Variants in QKI observed in about 807,000 individuals in gnomAD.
QKI encodes KH domain-containing RNA-binding protein QKI.
In QKI, 10 loss-of-function variants were observed where a neutral mutation model predicts 39.0. That is an observed-to-expected ratio of 0.26 (90% CI 0.16 to 0.43). The LOEUF is 0.43. Ranked by LOEUF, QKI falls within the 20% of genes least tolerant of loss-of-function variation. QKI has a pLI of 1.00. For missense variants in QKI, 218 were observed against 428.0 expected (o/e 0.51, Z 4.33); for synonymous variants, 204 against 155.4 (o/e 1.31, Z -2.33).
chr6:163,557,103 A>G (rs1428390140), intron 4 of QKI, among the ~76,000 whole-genome samples: 4 of 152,252 alleles, frequency 2.6e-5, no homozygotes, highest in Admixed American at 6.5e-5. Context: ...TAGCAGAAGA[A>G]TAGATAAATA....
intron 1 of QKI, among the ~76,000 whole-genome samples, chr6:163,444,819 T>C (rs1040542451): frequency 1.3e-5 from 2 of 152,158 alleles, no homozygotes; most frequent in African/African-American, 4.8e-5. Flanking sequence ...TTCTTTATCT[T>C]TTTTCACAGC....
intron 7 of QKI, chr6:163,570,434 T>G: frequency 1.0e-6 from 1 of 974,840 alleles, no homozygotes; most frequent in Non-Finnish European, 1.2e-6. Context: ...CTATTTTTTC[T>G]TGTTAACCAG....
chr6:163,490,421 T>C (rs771067544), intron 3 of QKI, among the ~76,000 whole-genome samples: 2 of 152,318 alleles, frequency 1.3e-5, no homozygotes, highest in South Asian at 4.1e-4. Flanking sequence ...GATATATACA[T>C]TGTGCAGGAA....
At chr6:163,415,478 A>G (rs1420605694) in intron 1 of QKI, 143 bp downstream of exon 1, 7 of 702,332 alleles carry the variant, frequency 1.0e-5, no homozygotes, top group South Asian at 3.7e-5. Flanking sequence ...AGGGCGCACA[A>G]AGGAGGTGCC....
intron 2 of QKI, among the ~76,000 whole-genome samples, chr6:163,466,347 C>T (rs9458831): frequency 0.039 from 5,989 of 152,152 alleles, 127 homozygotes; most frequent in African/African-American, 0.063. Context: ...AGATCCAGTA[C>T]AATTCCTGTC....
intron 3 of QKI, among the ~76,000 whole-genome samples, chr6:163,503,067 T>A: frequency 6.6e-6 from 1 of 152,128 alleles, no homozygotes; most frequent in East Asian, 1.9e-4. Flanking sequence ...GGTATCTAAT[T>A]GTGGTTTTTA....
At chr6:163,519,922 G>T (rs1196178176) in intron 3 of QKI, among the ~76,000 whole-genome samples, 1 of 152,088 alleles carries the variant, frequency 6.6e-6, no homozygotes, top group East Asian at 1.9e-4. Context: ...GGGGAAGTGG[G>T]CCAAAGATAT....
chr6:163,556,245 G>A (rs1782598724), intron 4 of QKI, among the ~76,000 whole-genome samples: 1 of 152,178 alleles, frequency 6.6e-6, no homozygotes, highest in African/African-American at 2.4e-5. Context: ...GGGCACAGTG[G>A]CTCACGCCTG....
chr6:163,419,816 A>G (rs985648567), intron 1 of QKI, among the ~76,000 whole-genome samples: 1 of 152,328 alleles, frequency 6.6e-6, no homozygotes, highest in South Asian at 2.1e-4. Flanking sequence ...TGCTAGTCAC[A>G]TTTACGAGTG....
At chr6:163,528,736 C>T (rs950165585) in intron 3 of QKI, among the ~76,000 whole-genome samples, 1 of 152,064 alleles carries the variant, frequency 6.6e-6, no homozygotes, top group African/African-American at 2.4e-5. Flanking sequence ...TCTGCTCTGC[C>T]ATCAAGTGTG....
chr6:163,526,725 T>C (rs1385878600), intron 3 of QKI, among the ~76,000 whole-genome samples: 2 of 152,220 alleles, frequency 1.3e-5, no homozygotes, highest in East Asian at 1.9e-4. Flanking sequence ...CAAGATCATA[T>C]TCAGCTTTTC....
chr6:163,422,573 A>AGT (rs1788076240), intron 1 of QKI, among the ~76,000 whole-genome samples: 1 of 152,214 alleles, frequency 6.6e-6, no homozygotes, highest in Non-Finnish European at 1.5e-5. Flanking sequence ...CTTGGGCAAC[A>AGT]GTGAGACCCT....
chr6:163,460,125 C>T (rs747825202), intron 2 of QKI, among the ~76,000 whole-genome samples: 3 of 152,132 alleles, frequency 2.0e-5, no homozygotes, highest in Non-Finnish European at 2.9e-5. Context: ...TGATACTAGT[C>T]GTCCTGTTAA....
rs1783878946 is a variant in QKI, at chr6:163,574,589, A to G, written c.*3879A>G. 6.6e-6 allele frequency: 1 copy of G among 152,222 alleles called. No individual in the cohort carries two copies. Among genetic ancestry groups the G allele is most frequent in the Non-Finnish European group, 1.5e-5 (1 of 68,034 alleles). 9.4% of individuals were successfully genotyped at this position (152,222 alleles called of 1,614,324 possible). ...AAGGGGGAATAACATTGGGATTTGA[A>G]AAGTTGTATGTGATTAATTTCTTGC... On this transcript the variant is annotated 3_prime_UTR_variant, in exon 8 of 8. Coordinates refer to ENST00000361752, the MANE Select transcript of QKI (RefSeq NM_006775.3).
At chr6:163,435,684 T>A (rs569799499) in intron 1 of QKI, among the ~76,000 whole-genome samples, 2 of 152,346 alleles carry the variant, frequency 1.3e-5, no homozygotes, top group East Asian at 3.9e-4. Flanking sequence ...GTAGATGATA[T>A]GCCTAATGAA....
At chr6:163,476,967 T>G (rs1734871000) in intron 2 of QKI, among the ~76,000 whole-genome samples, 1 of 152,068 alleles carries the variant, frequency 6.6e-6, no homozygotes, top group East Asian at 1.9e-4. Flanking sequence ...ATTCTGTAAT[T>G]GAGGCTTATT....
intron 1 of QKI, among the ~76,000 whole-genome samples, chr6:163,425,815 A>G (rs1788362650): frequency 2.0e-5 from 3 of 152,302 alleles, no homozygotes; most frequent in Admixed American, 2.0e-4. Context: ...TTATTTCTAT[A>G]TGAGCTAAAG....
At chr6:163,509,600 CTTGAAAAGTTAAAGATTTG>C (rs781041063) in intron 3 of QKI, among the ~76,000 whole-genome samples, 10 of 151,924 alleles carry the variant, frequency 6.6e-5, no homozygotes, top group Non-Finnish European at 1.3e-4. Context: ...GTAAGTAGGC[CTTGAAAAGTTAAAGATTTG>C]TATTGTATCC....
intron 3 of QKI, among the ~76,000 whole-genome samples, chr6:163,496,398 G>T (rs199675375): frequency 4.1e-4 from 3 of 7,330 alleles, no homozygotes; most frequent in Non-Finnish European, 8.2e-4. Flanking sequence ...AAGCATTAAG[G>T]AGGAGGTAAA....
Sources: gnomAD v4.1 joint callset for allele counts (sites outside exome capture counted in the v4.1 genomes callset) on GRCh38, gnomAD v4.1.1 for gene constraint, MANE v1.5 for transcripts, NCBI Gene and HGNC (gene_info 2026-07-23, HGNC 2026-07-21) for gene names.